The following DUSP11 variants were observed in gnomAD, a reference collection of about 807,000 sequenced individuals.
DUSP11 encodes the protein dual specificity phosphatase 11.
In DUSP11, 27 loss-of-function variants were observed where a neutral mutation model predicts 41.4. The observed-to-expected ratio is 0.65, with a 90% confidence interval of 0.48 to 0.90. The LOEUF is 0.90. Among genes scored for constraint, DUSP11 ranks in the 40% least tolerant of loss-of-function variants. The pLI is 0.00. For synonymous variants in DUSP11, 188 were observed against 159.3 expected, an observed-to-expected ratio of 1.18 and a Z score of -1.35; for missense variants, 465 against 461.1, an observed-to-expected ratio of 1.01 and a Z score of -0.08.
At chr2:73,771,797 C>A (rs563177582) in intron 4 of DUSP11, among the ~76,000 whole-genome samples, 2 of 148,274 alleles carry the variant, frequency 1.3e-5, no homozygotes, top group Non-Finnish European at 3.0e-5. Flanking sequence ...CCATCGCGCC[C>A]GGCTTTTTTG....
rs552211070 is a variant in DUSP11 at position 73,770,198 on chromosome 2, A to G, written c.575-873T>C. Among the ~76,000 whole-genome samples the G allele has an allele frequency of 6.9e-3, 1,045 of 151,406 alleles. 6 individuals carry two copies. Among genetic ancestry groups the G allele is most frequent in the Non-Finnish European group, 0.01 (701 of 67,816 alleles). ...TAATCCCAGCTACTCAAAAAAAAAA[A>G]AAAGAAAGAAAGAAAAGAAAAAAAG... is the stretch of plus-strand genomic sequence containing the variant. On this transcript the variant is annotated intron_variant, in intron 4 of 8. Transcript: ENST00000272444.
chr2:73,777,595 G>A (rs527743098), intron 2 of DUSP11, among the ~76,000 whole-genome samples: 15 of 152,216 alleles, frequency 9.9e-5, no homozygotes, highest in South Asian at 2.1e-4. Context: ...TTGATGATCC[G>A]GGGGATATTT....
intron 4 of DUSP11, among the ~76,000 whole-genome samples, chr2:73,772,148 C>T (rs1672595476): frequency 6.6e-6 from 1 of 152,190 alleles, no homozygotes. Flanking sequence ...ACATGCACTA[C>T]ATATTTATTT....
At chr2:73,774,778 C>G in intron 3 of DUSP11, 135 bp downstream of exon 3, 1 of 591,810 alleles carries the variant, frequency 1.7e-6, no homozygotes, top group Non-Finnish European at 2.8e-6. Flanking sequence ...AGAGAAATCA[C>G]TTGGTTCTCT....
chr2:73,763,371 T>A (rs905877820), intron 8 of DUSP11, among the ~76,000 whole-genome samples: 7 of 152,198 alleles, frequency 4.6e-5, no homozygotes, highest in Admixed American at 3.9e-4. Context: ...TTTGAAAAAT[T>A]AGGATTTAAA....
intron 4 of DUSP11, among the ~76,000 whole-genome samples, chr2:73,771,341 T>C (rs1391868328): frequency 6.6e-6 from 1 of 152,200 alleles, no homozygotes; most frequent in Non-Finnish European, 1.5e-5. Context: ...GTGCCTTTTG[T>C]GCCTAATCCC....
At chr2:73,765,153 G>A (rs1485234525) in intron 8 of DUSP11, among the ~76,000 whole-genome samples, 1 of 152,174 alleles carries the variant, frequency 6.6e-6, no homozygotes, top group African/African-American at 2.4e-5. Context: ...TGGGTGGACT[G>A]AGTGGGAGGA....
chr2:73,778,442 T>G, intron 1 of DUSP11, 66 bp from the exon 2 acceptor site: 1 of 1,077,270 alleles, frequency 9.3e-7, no homozygotes, highest in Non-Finnish European at 1.3e-6. Context: ...AAAATAAGAC[T>G]TTTTGAAAAT....
At chr2:73,770,236 C>T (rs1672548124) in intron 4 of DUSP11, among the ~76,000 whole-genome samples, 1 of 151,508 alleles carries the variant, frequency 6.6e-6, no homozygotes, top group African/African-American at 2.4e-5. Flanking sequence ...GGCACTCTGC[C>T]GGGCATGGTG....
At chr2:73,771,137 A>G (rs1672565202) in intron 4 of DUSP11, among the ~76,000 whole-genome samples, 1 of 152,230 alleles carries the variant, frequency 6.6e-6, no homozygotes, top group Non-Finnish European at 1.5e-5. Context: ...CCATGTATTT[A>G]TTTGCTTATT....
intron 7 of DUSP11, 23 bp from the exon 8 acceptor site, chr2:73,766,617 C>T: frequency 3.1e-6 from 5 of 1,588,406 alleles, no homozygotes; most frequent in Non-Finnish European, 4.3e-6. Flanking sequence ...ATTTTCCACA[C>T]AATATTACTG....
chr2:73,773,644 G>A, intron 4 of DUSP11, 156 bp downstream of exon 4: 1 of 742,046 alleles, frequency 1.3e-6, no homozygotes. Context: ...ATCAACAAAA[G>A]GAAAAACATC....
intron 8 of DUSP11, among the ~76,000 whole-genome samples, 174 bp from the exon 9 acceptor site, chr2:73,763,033 T>A (rs2103922343): frequency 6.6e-6 from 1 of 152,334 alleles, no homozygotes; most frequent in African/African-American, 2.4e-5. Flanking sequence ...AATTGTTATT[T>A]CCCTAAGTTC....
intron 2 of DUSP11, 137 bp from the exon 3 acceptor site, chr2:73,775,181 T>C: frequency 1.4e-6 from 1 of 703,048 alleles, no homozygotes; most frequent in South Asian, 2.5e-5. Context: ...ATAGAAGGTA[T>C]ATTACAACAA....
At position 73,780,063 on chromosome 2, in the gene DUSP11, GAA is replaced by G. The variant is rs763136852; in HGVS notation, c.51_52del (p.Ser18LeufsTer9). 1 of 1,605,804 alleles carries G rather than the reference GAA, an allele frequency of 6.2e-7. No individual in the cohort carries two copies. Reference sequence around the variant, plus strand: ...AATGCCAGGATAAGACCCTAAACAGGAAAAGACTCGGCAGCCACCTACGCCGC... The same window carrying G: ...AATGCCAGGATAAGACCCTAAACAGGAAGACTCGGCAGCCACCTACGCCGC... On this transcript the variant is annotated frameshift_variant, in exon 1 of 9. Coordinates refer to ENST00000272444, the Ensembl canonical transcript of DUSP11. LOFTEE classifies it high-confidence loss of function.
intron 5 of DUSP11, 139 bp from the exon 6 acceptor site, chr2:73,767,346 T>C: frequency 1.5e-6 from 1 of 678,544 alleles, no homozygotes; most frequent in East Asian, 2.6e-5. Flanking sequence ...CCAGCAGTTA[T>C]TAAAGAATGA....
intron 3 of DUSP11, 92 bp downstream of exon 3, chr2:73,774,821 C>T (rs1242733328): frequency 8.7e-7 from 1 of 1,147,404 alleles, no homozygotes; most frequent in Admixed American, 2.6e-5. Context: ...GAAGGCCAAG[C>T]TTCACATTAG....
chr2:73,773,962 T>A, intron 3 of DUSP11, 39 bp from the exon 4 acceptor site: 1 of 1,493,028 alleles, frequency 6.7e-7, no homozygotes, highest in Non-Finnish European at 9.1e-7. Context: ...ATTATTTCAC[T>A]TGTAGAGAAA....
intron 3 of DUSP11, 67 bp downstream of exon 3, chr2:73,774,846 T>A: frequency 7.5e-7 from 1 of 1,340,612 alleles, no homozygotes; most frequent in Non-Finnish European, 1.0e-6. Context: ...AGATGATTAC[T>A]GAATTACTAT....
Sources: gnomAD v4.1 joint callset for allele counts (sites outside exome capture counted in the v4.1 genomes callset) on GRCh38, gnomAD v4.1.1 for gene constraint, MANE v1.5 for transcripts, NCBI Gene and HGNC (gene_info 2026-07-23, HGNC 2026-07-21) for gene names.